DGLUCY: variants seen among roughly 807,000 people sequenced by gnomAD.
DGLUCY encodes D-glutamate cyclase.
In DGLUCY, 58 loss-of-function variants were observed where a neutral mutation model predicts 58.5. The observed-to-expected ratio is 0.99, with a 90% CI of 0.80 to 1.23. The LOEUF (loss-of-function observed/expected upper bound fraction) is 1.23, where lower values mean the gene tolerates loss of function less well. Among genes scored for constraint, DGLUCY ranks in the 50% most tolerant of loss-of-function variants. The pLI is 0.00. For synonymous variants in DGLUCY, 325 were observed against 314.1 expected (o/e 1.03, Z -0.37); for missense variants, 779 against 784.7 (o/e 0.99, Z 0.09).
chr14:91,174,409 G>A (rs1184617811), intron 6 of DGLUCY, among the ~76,000 whole-genome samples: 1 of 152,136 alleles, frequency 6.6e-6, no homozygotes, highest in Non-Finnish European at 1.5e-5. Flanking sequence ...GGGTTCAAGC[G>A]ATTCTCCTGC....
At chr14:91,204,670 G>C in intron 11 of DGLUCY, 36 bp from the exon 12 acceptor site, 1 of 1,606,094 alleles carries the variant, frequency 6.2e-7, no homozygotes. Context: ...ATTTTGCCCT[G>C]GTCCCGTGCA....
intron 1 of DGLUCY, among the ~76,000 whole-genome samples, chr14:91,133,119 C>A (rs2046123269): frequency 6.6e-6 from 1 of 151,812 alleles, no homozygotes; most frequent in Admixed American, 6.6e-5. Flanking sequence ...CATGGTGAAA[C>A]CCCTGTCTCT....
intron 1 of DGLUCY, among the ~76,000 whole-genome samples, chr14:91,119,292 G>A (rs958875451): frequency 1.3e-5 from 2 of 151,900 alleles, no homozygotes; most frequent in Non-Finnish European, 2.9e-5. Flanking sequence ...AAGAGGGGAG[G>A]AATTAGAGGG....
intron 1 of DGLUCY, among the ~76,000 whole-genome samples, chr14:91,139,648 G>A (rs1400304775): frequency 1.3e-5 from 2 of 152,214 alleles, no homozygotes; most frequent in Admixed American, 6.5e-5. Flanking sequence ...TCGTGCCACT[G>A]CACTCCAGCC....
upstream of DGLUCY, among the ~76,000 whole-genome samples, chr14:91,105,463 A>G (rs778201182): frequency 6.6e-6 from 1 of 152,200 alleles, no homozygotes; most frequent in Non-Finnish European, 1.5e-5. Flanking sequence ...CTAGCTGACC[A>G]TGAGCCCTGT....
chr14:91,180,594 A>T (rs1302707624), intron 7 of DGLUCY, among the ~76,000 whole-genome samples: 1 of 151,980 alleles, frequency 6.6e-6, no homozygotes, highest in Non-Finnish European at 1.5e-5. Flanking sequence ...AAAAAGAATA[A>T]AGTCAATAAA....
chr14:91,215,721 T>C, intron 13 of DGLUCY, 165 bp downstream of exon 13: 2 of 1,519,488 alleles, frequency 1.3e-6, no homozygotes, highest in Non-Finnish European at 1.8e-6. Context: ...GGGTGCCCTT[T>C]AAGCTACTCG....
chr14:91,177,742 G>A (rs1253433382), intron 7 of DGLUCY, among the ~76,000 whole-genome samples: 8 of 152,244 alleles, frequency 5.3e-5, no homozygotes, highest in Admixed American at 1.3e-4. Context: ...GGCCTCATGC[G>A]AGGGAAAGAT....
At chr14:91,096,947 A>T (rs1366554986) in intron 1 of DGLUCY, among the ~76,000 whole-genome samples, 1 of 152,242 alleles carries the variant, frequency 6.6e-6, no homozygotes, top group South Asian at 2.1e-4. Context: ...AGATTAACTC[A>T]TACAATTTCA....
Position 91,181,965 on chromosome 14 carries a change from T to TTTTATTTATTTATTTATTTA in DGLUCY, c.934+588_934+607dup, listed in dbSNP as rs375449442. 4.7e-3 allele frequency among the ~76,000 whole-genome samples: 693 copies of TTTTATTTATTTATTTATTTA among 148,804 alleles called. 8 individuals are homozygous for TTTTATTTATTTATTTATTTA. Among genetic ancestry groups the TTTTATTTATTTATTTATTTA allele is most frequent in the African/African-American group, 0.016 (657 of 40,216 alleles). On this transcript the variant is annotated intron_variant, in intron 8 of 13. Coordinates refer to ENST00000256324, the MANE Select transcript of DGLUCY (RefSeq NM_001102368.3). Reference sequence around the variant, plus strand: ...CAGCCTTGCTTTCTTCTTTATGGCTTTTTATTTATTTATTTATTTATTTAT... The same window carrying TTTTATTTATTTATTTATTTA: ...CAGCCTTGCTTTCTTCTTTATGGCTTTTTATTTATTTATTTATTTATTTATTTATTTATTTATTTATTTAT...
chr14:91,098,174 G>C (rs114131515), intron 1 of DGLUCY, among the ~76,000 whole-genome samples: 70 of 152,320 alleles, frequency 4.6e-4, no homozygotes, highest in African/African-American at 1.6e-3. Context: ...AAGTGGCTGG[G>C]AACCATAGTT....
intron 1 of DGLUCY, among the ~76,000 whole-genome samples, chr14:91,146,087 TG>T (rs1168295376): frequency 6.6e-5 from 10 of 152,256 alleles, no homozygotes; most frequent in Admixed American, 2.0e-4. Context: ...TGCTCAGGCT[TG>T]TCTCAAACTC....
At chr14:91,092,871 G>A (rs963297873) in intron 1 of DGLUCY, among the ~76,000 whole-genome samples, 2 of 152,120 alleles carry the variant, frequency 1.3e-5, no homozygotes, top group Admixed American at 1.3e-4. Context: ...ATCACCTGAG[G>A]TCAGGAGTTC....
chr14:91,164,214 T>G (rs2048150702), intron 3 of DGLUCY, among the ~76,000 whole-genome samples: 1 of 152,110 alleles, frequency 6.6e-6, no homozygotes, highest in Non-Finnish European at 1.5e-5. Flanking sequence ...CCTCCCAAAG[T>G]GCTGGGATTA....
intron 3 of DGLUCY, among the ~76,000 whole-genome samples, chr14:91,165,733 T>C (rs1285829746): frequency 6.6e-6 from 1 of 152,164 alleles, no homozygotes; most frequent in East Asian, 1.9e-4. Flanking sequence ...ACAGGTAATA[T>C]GAAGTATTGG....
chr14:91,169,572 G>A (rs1462316360), intron 4 of DGLUCY, among the ~76,000 whole-genome samples: 3 of 151,954 alleles, frequency 2.0e-5, no homozygotes. Flanking sequence ...ACCATGCCTG[G>A]CTAGTTTTTG....
At chr14:91,074,634 C>T (rs1828585079) in intron 1 of DGLUCY, among the ~76,000 whole-genome samples, 1 of 152,130 alleles carries the variant, frequency 6.6e-6, no homozygotes, top group African/African-American at 2.4e-5. Context: ...CACAGACTGA[C>T]CGTAAAACAT....
exon 1 of DGLUCY, chr14:91,060,535 G>C (rs2043626714): frequency 1.6e-6 from 2 of 1,224,444 alleles, no homozygotes; most frequent in African/African-American, 3.1e-5. Flanking sequence ...CAGGAGTCGG[G>C]GTGCGGCGGC....
intron 1 of DGLUCY, among the ~76,000 whole-genome samples, chr14:91,144,518 C>T (rs369833908): frequency 4.1e-4 from 63 of 152,298 alleles, no homozygotes; most frequent in African/African-American, 1.5e-3. Flanking sequence ...TGAGATGACA[C>T]TACTGCACTC....
Sources: gnomAD v4.1 joint callset for allele counts (sites outside exome capture counted in the v4.1 genomes callset) on GRCh38, gnomAD v4.1.1 for gene constraint, MANE v1.5 for transcripts, NCBI Gene and HGNC (gene_info 2026-07-23, HGNC 2026-07-21) for gene names.